The following MAP1B variants were observed in gnomAD, a reference collection of about 807,000 sequenced individuals.
MAP1B encodes the protein microtubule-associated protein 1B.
MAP1B carries 12 observed loss-of-function variants against 176.1 expected under a neutral mutation model. The observed-to-expected ratio is 0.07, with a 90% confidence interval of 0.04 to 0.11. MAP1B has a LOEUF of 0.11. Among genes scored for constraint, MAP1B ranks in the 10% least tolerant of loss-of-function variants. The pLI is 1.00. For missense variants in MAP1B, 2,523 were observed against 2,990.5 expected, an observed-to-expected ratio of 0.84 and a Z score of 3.65; for synonymous variants, 1,044 against 1,135.0, an observed-to-expected ratio of 0.92 and a Z score of 1.61.
At chr5:72,152,996 G>A (rs1169812192) in intron 2 of MAP1B, among the ~76,000 whole-genome samples, 2 of 152,178 alleles carry the variant, frequency 1.3e-5, no homozygotes, top group Non-Finnish European at 1.5e-5. Flanking sequence ...TGAGAAGAAA[G>A]CCTGTCTAGA....
chr5:72,127,585 A>G (rs1287043108), intron 2 of MAP1B, among the ~76,000 whole-genome samples: 1 of 152,218 alleles, frequency 6.6e-6, no homozygotes, highest in Non-Finnish European at 1.5e-5. Flanking sequence ...TTGCACATGT[A>G]TCCCAGAACT....
chr5:72,152,237 T>C lies in MAP1B; in HGVS notation c.287-31506T>C, dbSNP rs530006279. 2.3e-3 allele frequency among the ~76,000 whole-genome samples: 343 copies of C among 152,242 alleles called. 3 individuals carry two copies. The highest frequency in any genetic ancestry group is 8.1e-3 in the African/African-American group (337 of 41,544). ...TGTTTTTTTTTACGTAAAAAGTAGA[T>C]GTTTTTTTCCTCCAGGAGTGGAGAG... is the stretch of plus-strand genomic sequence containing the variant. On this transcript the variant is annotated intron_variant, in intron 2 of 6. Coordinates refer to ENST00000296755, the MANE Select transcript of MAP1B (RefSeq NM_005909.5).
intron 1 of MAP1B, among the ~76,000 whole-genome samples, chr5:72,112,799 C>A (rs1046406735): frequency 6.6e-6 from 1 of 152,194 alleles, no homozygotes. Context: ...AGAAGGGGTA[C>A]AGTCTTAGAA....
chr5:72,156,379 G>A (rs577802790), intron 2 of MAP1B, among the ~76,000 whole-genome samples: 4 of 152,320 alleles, frequency 2.6e-5, no homozygotes, highest in South Asian at 2.1e-4. Context: ...GCAAGAAGAC[G>A]ATAGGCGAAA....
At chr5:72,122,199 T>G (rs1745541679) in intron 2 of MAP1B, among the ~76,000 whole-genome samples, 1 of 152,122 alleles carries the variant, frequency 6.6e-6, no homozygotes, top group South Asian at 2.1e-4. Context: ...ATCCCTAGCC[T>G]TTCTCCCACT....
intron 5 of MAP1B, 74 bp downstream of exon 5, chr5:72,200,441 T>A: frequency 6.5e-7 from 1 of 1,528,182 alleles, no homozygotes; most frequent in East Asian, 2.2e-5. Context: ...TATATTTCCC[T>A]GTTTGGCTTT....
At chr5:72,190,134 TATAGTTTTCA>T (rs1407952252) in intron 4 of MAP1B, among the ~76,000 whole-genome samples, 3 of 152,194 alleles carry the variant, frequency 2.0e-5, no homozygotes, top group Admixed American at 6.5e-5. Flanking sequence ...TGATAATGTC[TATAGTTTTCA>T]ATACCATCTT....
intron 2 of MAP1B, among the ~76,000 whole-genome samples, chr5:72,163,227 C>CAAAAAAAAAAAAA (rs10608907): frequency 1.2e-4 from 9 of 78,124 alleles, no homozygotes; most frequent in Admixed American, 4.7e-4. Context: ...GACTCCATCT[C>CAAAAAAAAAAAAA]AAAAAAAAAA....
intron 2 of MAP1B, among the ~76,000 whole-genome samples, chr5:72,160,796 C>T (rs1006790722): frequency 1.3e-5 from 2 of 152,168 alleles, no homozygotes; most frequent in African/African-American, 4.8e-5. Context: ...TGATTTGCTA[C>T]AGGCTTCTTT....
chr5:72,133,905 C>T lies in MAP1B; in HGVS notation c.286+18106C>T, dbSNP rs563667850. 2.2e-4 allele frequency among the ~76,000 whole-genome samples: 33 copies of T among 152,270 alleles called. 1 individual carries two copies. In the Middle Eastern group the frequency reaches 0.017, roughly 78 times the overall value. Reference sequence around the variant, plus strand: ...TTATCAGTTCTCTATACTTGAAGTTCCCAAGAGCCAAACATTTCCATTTTT... The same window carrying T: ...TTATCAGTTCTCTATACTTGAAGTTTCCAAGAGCCAAACATTTCCATTTTT... On this transcript the variant is annotated intron_variant, in intron 2 of 6. Coordinates refer to ENST00000296755, the MANE Select transcript of MAP1B (RefSeq NM_005909.5).
Position 72,197,631 on chromosome 5 carries a change from G to C in MAP1B, c.4276G>C (p.Glu1426Gln). 6.2e-7 allele frequency: 1 copy of C among 1,614,172 alleles called. No individual in the cohort carries two copies. The highest frequency in any genetic ancestry group is 8.5e-7 in the Non-Finnish European group (1 of 1,180,042). ...ADDKASGRGA[E>Q]SPFEEKSGKQ... ...TGACAAGGCTTCTGGCAGAGGTGCC[G>C]AAAGTCCTTTTGAAGAAAAGAGTGG... Residue 1426 changes from glutamate (E) to glutamine (Q), a missense_variant, in exon 5 of 7, where the codon GAA (glutamate) becomes CAA (glutamine). Glu to Gln is a conservative substitution (Grantham distance 29). Transcript: ENST00000296755.
At chr5:72,176,211 G>A (rs1020057380) in intron 2 of MAP1B, among the ~76,000 whole-genome samples, 1 of 152,154 alleles carries the variant, frequency 6.6e-6, no homozygotes, top group Non-Finnish European at 1.5e-5. Context: ...GTGTGTGCAC[G>A]CACACACTCA....
rs1314927308 is a variant in MAP1B, at chr5:72,194,480, G to A, written c.1125G>A (p.Lys375=). 6.2e-7 allele frequency: 1 copy of A among 1,614,026 alleles called. No homozygotes were observed. ...ATCCAGAGCCAAACATCAAGATGAA[G>A]AGAAGCATAGAAGAAGCCTGCTTCA... The part of the protein sequence containing the change: ...LKNPEPNIKM[K]RSIEEACFTL... Residue 375 remains lysine (K), a synonymous_variant, in exon 5 of 7, where the codon AAG becomes AAA. Coordinates refer to ENST00000296755, the MANE Select transcript of MAP1B (RefSeq NM_005909.5). This position sits in a 1 kb window ranked among gnomAD's most constrained non-coding sequence, Gnocchi z 7.2.
chr5:72,181,777 A>C (rs1746771751), intron 2 of MAP1B, among the ~76,000 whole-genome samples: 1 of 149,738 alleles, frequency 6.7e-6, no homozygotes, highest in African/African-American at 2.5e-5. Flanking sequence ...GCTGGAGTGC[A>C]ATAGTGCAAT....
chr5:72,121,933 C>T (rs1460786139), intron 2 of MAP1B, among the ~76,000 whole-genome samples: 2 of 152,218 alleles, frequency 1.3e-5, no homozygotes, highest in Non-Finnish European at 2.9e-5. Context: ...TTCAGAGGGA[C>T]AGCCGATTCT....
chr5:72,188,699 C>T (rs1194017262), intron 4 of MAP1B, among the ~76,000 whole-genome samples: 3 of 152,034 alleles, frequency 2.0e-5, no homozygotes, highest in Admixed American at 6.6e-5. Context: ...GGACTGTGCA[C>T]GTGTCAGATT....
intron 1 of MAP1B, among the ~76,000 whole-genome samples, chr5:72,110,587 T>C (rs1745313320): frequency 6.6e-6 from 1 of 152,224 alleles, no homozygotes; most frequent in Non-Finnish European, 1.5e-5. Context: ...CAGAGGCCAC[T>C]GCTGTTGTTG....
chr5:72,122,022 A>G (rs1745538816), intron 2 of MAP1B, among the ~76,000 whole-genome samples: 1 of 152,330 alleles, frequency 6.6e-6, no homozygotes, highest in South Asian at 2.1e-4. Context: ...GGCTCTGCTC[A>G]TCTTTCCTCA....
chr5:72,122,967 T>A (rs1745558759), intron 2 of MAP1B, among the ~76,000 whole-genome samples: 1 of 152,224 alleles, frequency 6.6e-6, no homozygotes, highest in African/African-American at 2.4e-5. Context: ...AGGTTTTTTT[T>A]AAGTATGCAG....
Sources: gnomAD v4.1 joint callset for allele counts (sites outside exome capture counted in the v4.1 genomes callset) on GRCh38, gnomAD v4.1.1 for gene constraint, Gnocchi (gnomAD v3.1) non-coding constraint, MANE v1.5 for transcripts, NCBI Gene and HGNC (gene_info 2026-07-23, HGNC 2026-07-21) for gene names.